EXOSC2: variants seen among roughly 807,000 people sequenced by gnomAD.
EXOSC2 encodes the protein exosome component 2.
In EXOSC2, 29 loss-of-function variants were observed where a neutral mutation model predicts 37.6. The observed-to-expected ratio is 0.77, with a 90% confidence interval of 0.57 to 1.05. The LOEUF is 1.05. EXOSC2 is among the 50% of genes least tolerant of loss of function. The pLI is 0.00. For synonymous variants in EXOSC2, 119 were observed against 131.1 expected (o/e 0.91, Z 0.63); for missense variants, 346 against 365.6 (o/e 0.95, Z 0.44).
At chr9:130,701,846 T>C in intron 6 of EXOSC2, 1 of 1,153,902 alleles carries the variant, frequency 8.7e-7, no homozygotes. Context: ...TGGCTTCAGC[T>C]TCTCTAATGT....
Position 130,703,097 on chromosome 9 carries a change from C to T in EXOSC2, c.717C>T (p.Asn239=), listed in dbSNP as rs773779834. 15 of 1,613,890 alleles carry T rather than the reference C, an allele frequency of 9.3e-6. No individual in the cohort carries two copies. Among genetic ancestry groups the T allele is most frequent in the Non-Finnish European group, 1.3e-5 (15 of 1,179,978 alleles). The part of the protein sequence containing the change: ...ADREVISRLR[N]CIISLVTQRM... ...GAGAGGTGATATCCCGGCTTCGGAA[C>T]TGCATCATCTCGCTGGTAACTCAGA... is the stretch of plus-strand genomic sequence containing the variant. The change falls in exon 8 of 9, where the codon AAC becomes AAT. Residue 239 remains asparagine (N), a synonymous_variant. Transcript: ENST00000372358.
At position 130,693,857 on chromosome 9, in the gene EXOSC2, T is replaced by C. The variant is rs145906216; in HGVS notation, c.66T>C (p.Thr22=). The change falls in exon 1 of 9, where the codon ACT becomes ACC. Residue 22 remains threonine, a synonymous_variant. Transcript: ENST00000372358. ...KPLSERLGRD[T]KKHLVVPGDT... ...TTAGCGAGAGACTGGGCCGCGACAC[T>C]AAGAAACATCTAGTGGTGCCGGGGG... The C allele has an allele frequency of 1.9e-6, 3 of 1,612,554 alleles. No homozygotes were observed. Among genetic ancestry groups the C allele is most frequent in the African/African-American group, 2.7e-5 (2 of 74,792 alleles).
In EXOSC2 at chr9:130,698,520, G is replaced by A. The variant is rs1219844661; in HGVS notation, c.360+269G>A. On this transcript the variant is annotated intron_variant, in intron 4 of 8. Transcript: ENST00000372358. The surrounding 1 kb of genome is among the most constrained non-coding windows in gnomAD (Gnocchi z 4.1). ...GAGTTGGGGAGAGAAGCCCTTAGATGCTGGTTGTTAACAGTTTTCCTTTTT... is the reference window on the plus strand; with the variant it reads ...GAGTTGGGGAGAGAAGCCCTTAGATACTGGTTGTTAACAGTTTTCCTTTTT... Among the ~76,000 whole-genome samples the A allele has an allele frequency of 6.6e-6, 1 of 152,224 alleles. No individual in the cohort carries two copies. Among genetic ancestry groups the A allele is most frequent in the African/African-American group, 2.4e-5 (1 of 41,462 alleles).
In EXOSC2 at chr9:130,703,151, G is replaced by A; in HGVS notation, c.771G>A (p.Leu257=). 1.2e-6 allele frequency: 2 copies of A among 1,613,628 alleles called. No individual in the cohort carries two copies. The highest frequency in any genetic ancestry group is 1.7e-6 in the Non-Finnish European group (2 of 1,179,728). The change falls in exon 8 of 9, where the codon CTG becomes CTA. Residue 257 remains leucine (L), a synonymous_variant. Coordinates refer to ENST00000372358, the MANE Select transcript of EXOSC2 (RefSeq NM_014285.7). Reference sequence around the variant, plus strand: ...TGATGCTGTATGATACCAGCATCCTGTACTGCTATGAAGCATCCCTTCCAC... The same window carrying A: ...TGATGCTGTATGATACCAGCATCCTATACTGCTATGAAGCATCCCTTCCAC... The part of the protein sequence containing the change: ...QRMMLYDTSI[L]YCYEASLPHQ...
rs1358084940 is a variant in EXOSC2 at position 130,697,592 on chromosome 9, G to A, written c.235G>A (p.Glu79Lys). 6.2e-7 allele frequency: 1 copy of A among 1,614,128 alleles called. No individual in the cohort carries two copies. The highest frequency in any genetic ancestry group is 1.7e-5 in the Admixed American group (1 of 60,024). The part of the protein sequence containing the change: ...VKALKTRYIG[E>K]VGDIVVGRIT... ...TGTTTTGTCTTTCAGATACATTGGT[G>A]AAGTAGGAGACATCGTAGTGGGACG... Residue 79 changes from glutamate to lysine, a missense_variant, in exon 3 of 9, where the codon GAA becomes AAA. Glu to Lys is a moderately conservative substitution (Grantham distance 56). Transcript: ENST00000372358.
rs1005990656 is a variant in EXOSC2, at chr9:130,698,495, G to C, written c.360+244G>C. Among the ~76,000 whole-genome samples the C allele has an allele frequency of 3.3e-5, 5 of 152,248 alleles. No homozygotes were observed. The highest frequency in any genetic ancestry group is 1.2e-4 in the African/African-American group (5 of 41,470). On this transcript the variant is annotated intron_variant, in intron 4 of 8. Transcript: ENST00000372358. This position sits in a 1 kb window ranked among gnomAD's most constrained non-coding sequence, Gnocchi z 4.1. Reference sequence around the variant, plus strand: ...ATCCATGGGGTGGGATCCCAACAGAGAGTTGGGGAGAGAAGCCCTTAGATG... The same window carrying C: ...ATCCATGGGGTGGGATCCCAACAGACAGTTGGGGAGAGAAGCCCTTAGATG...
At chr9:130,696,492 G>A (rs1193415592) in intron 2 of EXOSC2, among the ~76,000 whole-genome samples, 1 of 152,194 alleles carries the variant, frequency 6.6e-6, no homozygotes, top group Non-Finnish European at 1.5e-5. Context: ...GGCAAGCTTA[G>A]GGAGGTGGAT....
intron 8 of EXOSC2, 82 bp from the exon 9 acceptor site, chr9:130,703,612 G>A (rs190610135): frequency 2.5e-4 from 272 of 1,081,062 alleles, no homozygotes; most frequent in Admixed American, 5.6e-4. Flanking sequence ...TTATGTTAAC[G>A]GCTTGATTTA....
chr9:130,704,068 T>C lies in EXOSC2; in HGVS notation c.*294T>C, dbSNP rs1831275911. ...AATGGGCTCCCATCCTGGAATAATA[T>C]GGAGAATCCTTTGTCTTCCACTCAC... On this transcript the variant is annotated 3_prime_UTR_variant, in exon 9 of 9. Coordinates refer to ENST00000372358, the MANE Select transcript of EXOSC2 (RefSeq NM_014285.7). 1 of 236,902 alleles carries C rather than the reference T, an allele frequency of 4.2e-6. No individual in the cohort carries two copies. 14.7% of individuals were successfully genotyped at this position (236,902 alleles called of 1,614,324 possible). A position where few individuals can be genotyped will look rare whatever the true frequency, so the allele number is the denominator to read the frequency against.
At chr9:130,700,793 C>A in intron 5 of EXOSC2, 74 bp from the exon 6 acceptor site, 1 of 1,416,268 alleles carries the variant, frequency 7.1e-7, no homozygotes, top group Non-Finnish European at 9.9e-7. Context: ...GGTGTGGGGT[C>A]AAGGGGAGAG....
At chr9:130,693,763 C>T (rs758369646), upstream of EXOSC2, 10 of 1,584,846 alleles carry the variant, frequency 6.3e-6, no homozygotes, top group Middle Eastern at 1.7e-4. Context: ...CCCGACTGAG[C>T]TGCGCCTGCG....
intron 3 of EXOSC2, 85 bp downstream of exon 3, chr9:130,697,712 C>G: frequency 7.7e-7 from 1 of 1,290,880 alleles, no homozygotes; most frequent in Non-Finnish European, 1.1e-6. Flanking sequence ...CTTGTAGTTA[C>G]ATGAAAAAGG....
Position 130,700,948 on chromosome 9 carries a change from C to G in EXOSC2, c.495+13C>G. ...GAAATATGGAAAAGTAAGTCGGGCT[C>G]TTGATGTTCCTGTTTGCTGACTGAG... On this transcript the variant is annotated intron_variant, in intron 6 of 8. Coordinates refer to ENST00000372358, the MANE Select transcript of EXOSC2 (RefSeq NM_014285.7). The G allele has an allele frequency of 6.2e-7, 1 of 1,613,630 alleles. No individual in the cohort carries two copies. The highest frequency in any genetic ancestry group is 8.5e-7 in the Non-Finnish European group (1 of 1,179,646).
chr9:130,701,226 C>T (rs913698418), intron 6 of EXOSC2: 4 of 341,388 alleles, frequency 1.2e-5, no homozygotes, highest in Middle Eastern at 8.6e-4. Flanking sequence ...GCAGCTGTCT[C>T]TCTTCCTCCA....
rs1460147362 is a variant in EXOSC2, at chr9:130,704,521, CTG to C, written c.*751_*752del. ...CTCCAGCCTGGGTGACAGAGCGAGA[CTG>C]TGTTTCAAAGAAAAAAAAAAACAAG... On this transcript the variant is annotated 3_prime_UTR_variant, in exon 9 of 9. Transcript: ENST00000372358. 1 of 151,376 alleles carries C rather than the reference CTG, an allele frequency of 6.6e-6. No homozygotes were observed. The highest frequency in any genetic ancestry group is 2.1e-4 in the South Asian group (1 of 4,800). The allele number at this position is 151,376 out of a possible 1,614,324, so 9.4% of individuals were successfully genotyped here. A position where few individuals can be genotyped will look rare whatever the true frequency, so the allele number is the denominator to read the frequency against.
In EXOSC2 at chr9:130,698,061, T is replaced by C; in HGVS notation, c.271-101T>C. On this transcript the variant is annotated intron_variant, in intron 3 of 8. Coordinates refer to ENST00000372358, the MANE Select transcript of EXOSC2 (RefSeq NM_014285.7). This position sits in a 1 kb window ranked among gnomAD's most constrained non-coding sequence, Gnocchi z 4.1. The stretch of plus-strand genomic sequence containing the variant: ...CACCAGCTTCGGCCTCCCAAAGTGC[T>C]GGGATTACAGGCGTGAGCCACCACA... The C allele has an allele frequency of 1.8e-6, 2 of 1,118,218 alleles. No homozygotes were observed. Among genetic ancestry groups the C allele is most frequent in the Non-Finnish European group, 2.7e-6 (2 of 742,516 alleles). 69.3% of individuals were successfully genotyped at this position (1,118,218 alleles called of 1,614,324 possible).
At position 130,698,939 on chromosome 9, in the gene EXOSC2, T is replaced by C. The variant is rs140080461; in HGVS notation, c.361-390T>C. Among the ~76,000 whole-genome samples the C allele has an allele frequency of 3.8e-3, 582 of 152,266 alleles. 7 individuals are homozygous for C. The highest frequency in any genetic ancestry group is 0.014 in the African/African-American group (563 of 41,568). On this transcript the variant is annotated intron_variant, in intron 4 of 8. Transcript: ENST00000372358. The surrounding 1 kb of genome is among the most constrained non-coding windows in gnomAD (Gnocchi z 4.1). Reference sequence around the variant, plus strand: ...TGATCCTGGAAGGATGGAGAGACTTTGAATGACTAGTTCAGGGAATCTGAG... The same window carrying C: ...TGATCCTGGAAGGATGGAGAGACTTCGAATGACTAGTTCAGGGAATCTGAG...
intron 7 of EXOSC2, 22 bp from the exon 8 acceptor site, chr9:130,703,031 C>A (rs762336954): frequency 2.5e-5 from 40 of 1,599,468 alleles, no homozygotes; most frequent in Non-Finnish European, 3.4e-5. Context: ...ATTTCCCTTC[C>A]CCTCTCTGTG....
At chr9:130,697,785 A>T in intron 3 of EXOSC2, 158 bp downstream of exon 3, 1 of 676,740 alleles carries the variant, frequency 1.5e-6, no homozygotes, top group Non-Finnish European at 2.6e-6. Context: ...TCGATTTCAG[A>T]TTACTGGTTC....
Sources: allele counts gnomAD v4.1 joint callset (sites outside exome capture counted in the v4.1 genomes callset), GRCh38; gene constraint gnomAD v4.1.1; non-coding constraint Gnocchi (gnomAD v3.1); transcripts MANE v1.5; gene names NCBI Gene and HGNC (gene_info 2026-07-23, HGNC 2026-07-21).